CSMD1: variants seen among roughly 807,000 people sequenced by gnomAD.
CSMD1 encodes CUB and Sushi multiple domains 1.
A neutral mutation model predicts 417.5 loss-of-function variants in CSMD1; 213 were observed. That is an observed-to-expected ratio of 0.51 (90% CI 0.46 to 0.57). CSMD1 has a LOEUF of 0.57. Among genes scored for constraint, CSMD1 ranks in the 20% least tolerant of loss-of-function variants. CSMD1 has a pLI of 0.00. For missense variants in CSMD1, 6,923 were observed against 4,529.7 expected, an observed-to-expected ratio of 1.53 and a Z score of -15.17; for synonymous variants, 2,862 against 1,736.8, an observed-to-expected ratio of 1.65 and a Z score of -16.11.
At chr8:4,942,195 C>T (rs1394312283) in intron 1 of CSMD1, among the ~76,000 whole-genome samples, 2 of 152,090 alleles carry the variant, frequency 1.3e-5, no homozygotes, top group East Asian at 1.9e-4. Context: ...GCTTCCTTCC[C>T]CCCAACACAC....
intron 12 of CSMD1, among the ~76,000 whole-genome samples, chr8:3,459,492 C>A (rs755718700): frequency 2.8e-4 from 42 of 152,146 alleles, no homozygotes; most frequent in Non-Finnish European, 4.4e-4. Context: ...GTGATCTCCA[C>A]GCATGCGGCA....
chr8:3,898,432 T>C (rs1446878484), intron 5 of CSMD1, among the ~76,000 whole-genome samples: 3 of 152,208 alleles, frequency 2.0e-5, no homozygotes, highest in Admixed American at 1.3e-4. Flanking sequence ...AAAGTTTGTG[T>C]GACATGTCAT....
chr8:3,106,889 G>T lies in CSMD1; in HGVS notation c.6836-248C>A, dbSNP rs1327253932. 1.2e-5 allele frequency: 4 copies of T among 341,998 alleles called. No individual in the cohort carries two copies. In the East Asian group the frequency reaches 2.0e-4, roughly 17 times the overall value. 21.2% of individuals were successfully genotyped at this position (341,998 alleles called of 1,614,324 possible). A position where few individuals can be genotyped will look rare whatever the true frequency, so the allele number is the denominator to read the frequency against. On this transcript the variant is annotated intron_variant, in intron 45 of 69. Transcript: ENST00000635120. ...TGGCAGCTTTTCTTCCTTGACTGAG[G>T]CATCCGTGTTGGTTTCCCTTCCCCA...
Position 4,560,157 on chromosome 8 carries a change from C to T in CSMD1, c.302+77185G>A, listed in dbSNP as rs530950389. Among the ~76,000 whole-genome samples, 12 of 152,312 alleles carry T rather than the reference C, an allele frequency of 7.9e-5. No homozygotes were observed. In the East Asian group the frequency reaches 1.2e-3, roughly 15 times the overall value. ...AGGAAGCAGCATATGCTGAGAAAAC[C>T]GCGCTCATCTCACCGCACTTTCTCA... is the stretch of plus-strand genomic sequence containing the variant. On this transcript the variant is annotated intron_variant, in intron 2 of 69. Transcript: ENST00000635120.
chr8:3,761,433 C>T (rs1024778729), intron 5 of CSMD1, among the ~76,000 whole-genome samples: 2 of 151,466 alleles, frequency 1.3e-5, no homozygotes, highest in Admixed American at 6.6e-5. Context: ...TAAAAAAACC[C>T]ATATGGTATA....
At chr8:3,283,214 C>T (rs79084542) in intron 26 of CSMD1, among the ~76,000 whole-genome samples, 2,940 of 152,114 alleles carry the variant, frequency 0.019, 64 homozygotes, top group South Asian at 0.098. Context: ...CGTCCTGAAC[C>T]GGGAAGTTGC....
intron 1 of CSMD1, among the ~76,000 whole-genome samples, chr8:4,820,816 CTGTAAT>C (rs1799481550): frequency 6.6e-6 from 1 of 152,140 alleles, no homozygotes; most frequent in Admixed American, 6.6e-5. Context: ...AAGACAGTAA[CTGTAAT>C]ACTTGTTGCA....
intron 3 of CSMD1, among the ~76,000 whole-genome samples, chr8:4,260,569 G>A (rs923868097): frequency 6.6e-6 from 1 of 152,146 alleles, no homozygotes; most frequent in East Asian, 1.9e-4. Flanking sequence ...GACTCCTGGA[G>A]AAAAGTTTGT....
At chr8:3,077,276 A>G (rs1241834992) in intron 49 of CSMD1, among the ~76,000 whole-genome samples, 2 of 152,190 alleles carry the variant, frequency 1.3e-5, no homozygotes, top group African/African-American at 2.4e-5. Flanking sequence ...ATGCCAAGAC[A>G]TGGACAAAAG....
At chr8:4,943,506 A>C (rs1177394244) in intron 1 of CSMD1, among the ~76,000 whole-genome samples, 1 of 21,778 alleles carries the variant, frequency 4.6e-5, no homozygotes, top group Non-Finnish European at 1.2e-4. Flanking sequence ...AAAAAAATAA[A>C]ATGAAATAAA....
intron 2 of CSMD1, among the ~76,000 whole-genome samples, chr8:4,516,028 G>C (rs546246569): frequency 6.6e-6 from 1 of 152,094 alleles, no homozygotes. Context: ...TCCTGTTGAG[G>C]ACTGAGTTCT....
intron 8 of CSMD1, among the ~76,000 whole-genome samples, chr8:3,589,084 T>C (rs1215228910): frequency 6.6e-6 from 1 of 152,028 alleles, no homozygotes; most frequent in Non-Finnish European, 1.5e-5. Flanking sequence ...AAATAATAAG[T>C]GTTGGTGAGG....
At chr8:4,550,606 A>C (rs555135870) in intron 2 of CSMD1, among the ~76,000 whole-genome samples, 1 of 152,318 alleles carries the variant, frequency 6.6e-6, no homozygotes, top group South Asian at 2.1e-4. Context: ...GTGATTTTTA[A>C]ATAGGTAATG....
rs376859292 is a variant in CSMD1, at chr8:4,765,608, G to C, written c.86-128050C>G. On this transcript the variant is annotated intron_variant, in intron 1 of 69. Transcript: ENST00000635120. ...TGCTATCAACCTCCTGAGCAGCTGA[G>C]AAAAAATTGGATGCAAGGCAGAAAA... is the stretch of plus-strand genomic sequence containing the variant. Among the ~76,000 whole-genome samples the C allele has an allele frequency of 3.3e-5, 5 of 152,156 alleles. 1 individual carries two copies. The highest frequency in any genetic ancestry group is 1.9e-4 in the East Asian group (1 of 5,180).
rs543353235 is a variant in CSMD1, at chr8:3,621,668, C to A, written c.1010-4871G>T. On this transcript the variant is annotated intron_variant, in intron 7 of 69. Transcript: ENST00000635120. Reference sequence around the variant, plus strand: ...AGTGCAGTGGCATAATCATGGCTCACTGCAGCCTTCGTCTTCCATGCTCCA... The same window carrying A: ...AGTGCAGTGGCATAATCATGGCTCAATGCAGCCTTCGTCTTCCATGCTCCA... Among the ~76,000 whole-genome samples the A allele has an allele frequency of 2.6e-5, 4 of 152,096 alleles. No individual in the cohort carries two copies. The South Asian group carries it at 6.2e-4, about 24-fold the overall frequency.
At chr8:4,721,916 C>G (rs940536702) in intron 1 of CSMD1, among the ~76,000 whole-genome samples, 1 of 152,014 alleles carries the variant, frequency 6.6e-6, no homozygotes, top group African/African-American at 2.4e-5. Flanking sequence ...AGAAATAAAC[C>G]AAACACGAAA....
intron 10 of CSMD1, among the ~76,000 whole-genome samples, chr8:3,528,497 A>C (rs573525897): frequency 2.0e-4 from 31 of 152,218 alleles, no homozygotes; most frequent in Admixed American, 4.6e-4. Context: ...ACATTTCCTT[A>C]GGAACCCTGT....
At chr8:3,970,277 C>G (rs1379842596) in intron 5 of CSMD1, among the ~76,000 whole-genome samples, 1 of 152,184 alleles carries the variant, frequency 6.6e-6, no homozygotes, top group Non-Finnish European at 1.5e-5. Context: ...ATGTCCGAAG[C>G]CTTTGAAACA....
At chr8:3,394,108 G>A (rs1316767283) in intron 17 of CSMD1, among the ~76,000 whole-genome samples, 8 of 141,240 alleles carry the variant, frequency 5.7e-5, no homozygotes, top group Non-Finnish European at 9.2e-5. Context: ...TACTCCAGGT[G>A]ATGGAAGAAT....
Sources: gnomAD v4.1 joint callset for allele counts (sites outside exome capture counted in the v4.1 genomes callset) on GRCh38, gnomAD v4.1.1 for gene constraint, MANE v1.5 for transcripts, NCBI Gene and HGNC (gene_info 2026-07-23, HGNC 2026-07-21) for gene names.